The following SOX5 variants were observed in gnomAD, a reference collection of about 807,000 sequenced individuals.
The protein encoded by SOX5 is SRY-box transcription factor 5.
A neutral mutation model predicts 92.0 loss-of-function variants in SOX5; 9 were observed. That is an observed-to-expected ratio of 0.10 (90% CI 0.06 to 0.17). The LOEUF (loss-of-function observed/expected upper bound fraction) is 0.17, where lower values mean the gene tolerates loss of function less well. Among genes scored for constraint, SOX5 ranks in the 10% least tolerant of loss-of-function variants. The pLI is 1.00. For missense variants in SOX5, 642 were observed against 944.5 expected (o/e 0.68, Z 4.20); for synonymous variants, 344 against 336.3 (o/e 1.02, Z -0.25).
intron 4 of SOX5, among the ~76,000 whole-genome samples, chr12:23,975,773 G>A (rs956069315): frequency 6.6e-6 from 1 of 152,146 alleles, no homozygotes; most frequent in Non-Finnish European, 1.5e-5. Flanking sequence ...AGAGTCCCTT[G>A]AACATAATAT....
chr12:23,566,477 G>T (rs1947117787), intron 10 of SOX5, among the ~76,000 whole-genome samples: 1 of 152,082 alleles, frequency 6.6e-6, no homozygotes, highest in Non-Finnish European at 1.5e-5. Flanking sequence ...TTTTAGCATT[G>T]TTCCTTTTTC....
At chr12:24,061,279 G>A (rs1939646062) in intron 4 of SOX5, among the ~76,000 whole-genome samples, 1 of 152,128 alleles carries the variant, frequency 6.6e-6, no homozygotes, top group Admixed American at 6.5e-5. Context: ...TATCCCGTAA[G>A]TATTAAGTAT....
chr12:23,944,373 C>T (rs555822010), intron 1 of SOX5: 2 of 152,162 alleles, frequency 1.3e-5, no homozygotes, highest in African/African-American at 4.8e-5. Context: ...TGCAACACCC[C>T]CCTATTGGAC....
intron 2 of SOX5, among the ~76,000 whole-genome samples, chr12:24,322,301 T>C (rs974879254): frequency 5.3e-5 from 8 of 152,166 alleles, no homozygotes; most frequent in Admixed American, 5.2e-4. Flanking sequence ...ATTAGCAGAC[T>C]GTACTTAAGC....
chr12:24,290,634 C>T (rs963631017), intron 2 of SOX5, among the ~76,000 whole-genome samples: 9 of 152,136 alleles, frequency 5.9e-5, no homozygotes, highest in African/African-American at 1.9e-4. Context: ...TCTGCCTCCC[C>T]ACCACCCCCC....
At chr12:23,770,085 A>T (rs1359934759) in intron 3 of SOX5, among the ~76,000 whole-genome samples, 5 of 124,674 alleles carry the variant, frequency 4.0e-5, no homozygotes, top group Admixed American at 3.7e-4. Context: ...ATAACCAGTC[A>T]CTTTTCAATG....
chr12:24,026,839 C>G (rs142920784), intron 4 of SOX5, among the ~76,000 whole-genome samples: 8 of 151,866 alleles, frequency 5.3e-5, no homozygotes, highest in Non-Finnish European at 1.2e-4. Flanking sequence ...TTGCCATGAT[C>G]GTGAATATAA....
At chr12:24,368,143 G>T (rs1383038185) in intron 2 of SOX5, 1 of 152,158 alleles carries the variant, frequency 6.6e-6, no homozygotes, top group Non-Finnish European at 1.5e-5. Flanking sequence ...ATGAAAGATA[G>T]CAATTATCAA....
At chr12:24,342,240 C>T (rs1051999868) in intron 2 of SOX5, among the ~76,000 whole-genome samples, 7 of 152,196 alleles carry the variant, frequency 4.6e-5, no homozygotes, top group African/African-American at 1.7e-4. Context: ...TTTCTTTGAG[C>T]CTCACTCCTG....
At chr12:24,369,702 G>C (rs1024551059) in intron 1 of SOX5, among the ~76,000 whole-genome samples, 6 of 152,198 alleles carry the variant, frequency 3.9e-5, no homozygotes, top group Admixed American at 1.3e-4. Context: ...CAAGCAAATT[G>C]CTGAAGCTGA....
chr12:24,224,410 G>T (rs188782336), intron 3 of SOX5, among the ~76,000 whole-genome samples: 4 of 150,352 alleles, frequency 2.7e-5, no homozygotes, highest in African/African-American at 9.8e-5. Flanking sequence ...TAAGCTATTT[G>T]AAAGCCAATC....
intron 1 of SOX5, among the ~76,000 whole-genome samples, chr12:24,460,362 T>A (rs1943488359): frequency 1.3e-5 from 2 of 152,240 alleles, no homozygotes; most frequent in African/African-American, 2.4e-5. Context: ...AATATGATAG[T>A]GTCTGTCACT....
chr12:24,499,016 A>G (rs1050789826), intron 1 of SOX5, among the ~76,000 whole-genome samples: 1 of 152,188 alleles, frequency 6.6e-6, no homozygotes, highest in Non-Finnish European at 1.5e-5. Context: ...CTTCTCAAAG[A>G]AGCCCACCCT....
rs1307101805 is a variant in SOX5 at position 24,384,044 on chromosome 12, C to A, written c.-250-15405G>T. 2.0e-5 allele frequency among the ~76,000 whole-genome samples: 3 copies of A among 152,120 alleles called. No individual in the cohort carries two copies. In the East Asian group the frequency reaches 5.8e-4, roughly 29 times the overall value. ...CTTGGCACTTCTCTCTCACGTGCTG[C>A]CATGTAAGATGTGCCTCTTCCTCTA... On this transcript the variant is annotated intron_variant, in intron 1 of 4. Coordinates refer to the SOX5 transcript ENST00000446891.
At chr12:24,435,773 T>C (rs11047437) in intron 1 of SOX5, among the ~76,000 whole-genome samples, 34,444 of 152,152 alleles carry the variant, frequency 0.23, 4,839 homozygotes, top group East Asian at 0.67. Flanking sequence ...TTTTTTTGTT[T>C]TCTTTTTAAC....
At chr12:23,731,822 C>T (rs373198615) in intron 6 of SOX5, among the ~76,000 whole-genome samples, 28 of 152,224 alleles carry the variant, frequency 1.8e-4, no homozygotes, top group Admixed American at 7.2e-4. Flanking sequence ...GACTATAAAA[C>T]GCTACAGTCT....
intron 3 of SOX5, among the ~76,000 whole-genome samples, chr12:24,271,267 T>A (rs943048699): frequency 2.0e-5 from 3 of 152,214 alleles, no homozygotes; most frequent in Admixed American, 2.0e-4. Flanking sequence ...TGGCTACTAC[T>A]GAGACTAAGG....
At chr12:24,216,806 T>C (rs1408559798) in intron 3 of SOX5, among the ~76,000 whole-genome samples, 3 of 152,100 alleles carry the variant, frequency 2.0e-5, no homozygotes, top group Non-Finnish European at 4.4e-5. Flanking sequence ...TGCACGCCTA[T>C]AATCCCAGCT....
chr12:23,979,930 CAGACAGATAGATAGATAGAT>C (rs1569372792), intron 4 of SOX5, among the ~76,000 whole-genome samples: 9 of 137,170 alleles, frequency 6.6e-5, no homozygotes, highest in African/African-American at 1.4e-4. Context: ...GACAGACAGA[CAGACAGATAGATAGATAGAT>C]AGACAGACAG....
Sources: allele counts gnomAD v4.1 joint callset (sites outside exome capture counted in the v4.1 genomes callset), GRCh38; gene constraint gnomAD v4.1.1; transcripts MANE v1.5; gene names NCBI Gene and HGNC (gene_info 2026-07-23, HGNC 2026-07-21).